TRHDE: variants seen among roughly 807,000 people sequenced by gnomAD.
TRHDE encodes the protein thyrotropin releasing hormone degrading enzyme.
A neutral mutation model predicts 125.7 loss-of-function variants in TRHDE; 72 were observed. That is an observed-to-expected ratio of 0.57 (90% CI 0.47 to 0.70). The LOEUF (loss-of-function observed/expected upper bound fraction) is 0.70. TRHDE is among the 30% of genes least tolerant of loss of function. TRHDE has a pLI of 0.00. For missense variants in TRHDE, 1,110 were observed against 1,327.1 expected (o/e 0.84, Z 2.54); for synonymous variants, 509 against 509.1 (o/e 1.00, Z 0.00).
intron 2 of TRHDE, among the ~76,000 whole-genome samples, chr12:72,367,777 A>T (rs948765774): frequency 6.6e-6 from 1 of 152,218 alleles, no homozygotes; most frequent in East Asian, 1.9e-4. Context: ...AAAGAGGGGG[A>T]CTAGTTTTTC....
intron 17 of TRHDE, among the ~76,000 whole-genome samples, chr12:72,654,826 C>T (rs1192459426): frequency 6.6e-6 from 1 of 152,060 alleles, no homozygotes; most frequent in African/African-American, 2.4e-5. Context: ...CATCTCTTCC[C>T]AGTACTCTTA....
chr12:72,201,064 A>G (rs781296833), intron 2 of TRHDE, among the ~76,000 whole-genome samples: 5 of 152,176 alleles, frequency 3.3e-5, no homozygotes, highest in Non-Finnish European at 5.9e-5. Flanking sequence ...TAACTGTGTT[A>G]GTTTAGTTAG....
intron 15 of TRHDE, among the ~76,000 whole-genome samples, chr12:72,621,975 A>C (rs902302553): frequency 6.6e-6 from 1 of 152,142 alleles, no homozygotes; most frequent in Non-Finnish European, 1.5e-5. Context: ...TTATTAATTT[A>C]GGTCTTTATT....
intron 12 of TRHDE, among the ~76,000 whole-genome samples, chr12:72,584,305 T>TATC (rs1165512808): frequency 6.6e-6 from 1 of 152,204 alleles, no homozygotes. Flanking sequence ...TTTATGTATT[T>TATC]ATCATATACA....
intron 2 of TRHDE, among the ~76,000 whole-genome samples, chr12:72,127,698 G>C (rs1347969318): frequency 6.6e-6 from 1 of 151,958 alleles, no homozygotes; most frequent in Admixed American, 6.6e-5. Flanking sequence ...GGGGGCAAGG[G>C]GTTGAAAAAC....
chr12:72,267,607 T>C (rs566026659), upstream of TRHDE, among the ~76,000 whole-genome samples: 4 of 151,768 alleles, frequency 2.6e-5, no homozygotes, highest in Admixed American at 1.3e-4. Flanking sequence ...TATCACACCA[T>C]TGCACTCCAG....
intron 5 of TRHDE, among the ~76,000 whole-genome samples, chr12:72,485,489 G>A (rs1419495136): frequency 6.6e-6 from 1 of 152,090 alleles, no homozygotes; most frequent in Non-Finnish European, 1.5e-5. Context: ...AGCCCCTGGG[G>A]ACCTCAGGCC....
intron 12 of TRHDE, among the ~76,000 whole-genome samples, chr12:72,614,550 T>G (rs1872748215): frequency 6.6e-6 from 1 of 152,018 alleles, no homozygotes; most frequent in African/African-American, 2.4e-5. Context: ...GCAAGTGCTT[T>G]AAAAATCTGT....
At chr12:72,480,090 C>T (rs1231636968) in intron 5 of TRHDE, among the ~76,000 whole-genome samples, 1 of 151,308 alleles carries the variant, frequency 6.6e-6, no homozygotes, top group Non-Finnish European at 1.5e-5. Flanking sequence ...GGTTCCAAGT[C>T]TTTGCTATTG....
chr12:72,536,469 C>T (rs1476609572), intron 6 of TRHDE, among the ~76,000 whole-genome samples: 1 of 152,102 alleles, frequency 6.6e-6, no homozygotes, highest in Admixed American at 6.6e-5. Flanking sequence ...TGCAAAAACA[C>T]ATTCATCCAC....
chr12:72,447,820 G>T (rs1875373772), intron 3 of TRHDE, among the ~76,000 whole-genome samples: 2 of 151,982 alleles, frequency 1.3e-5, no homozygotes, highest in South Asian at 4.1e-4. Flanking sequence ...TTTCTAAAAG[G>T]TTCTCAATTT....
At chr12:72,606,986 A>C (rs973584903) in intron 12 of TRHDE, among the ~76,000 whole-genome samples, 11 of 152,168 alleles carry the variant, frequency 7.2e-5, no homozygotes, top group African/African-American at 2.7e-4. Context: ...TCAAATTTCC[A>C]ATGGTTTCAT....
intron 15 of TRHDE, 139 bp downstream of exon 15, chr12:72,621,890 C>A: frequency 1.6e-6 from 1 of 628,982 alleles, no homozygotes; most frequent in Non-Finnish European, 2.7e-6. Flanking sequence ...GTGTCAGGTT[C>A]ACAGCTTCCA....
At chr12:72,650,937 C>G (rs1049283445) in intron 15 of TRHDE, among the ~76,000 whole-genome samples, 13 of 152,096 alleles carry the variant, frequency 8.5e-5, no homozygotes, top group African/African-American at 2.9e-4. Flanking sequence ...GTCATAAACA[C>G]AGCAGAGAGA....
intron 12 of TRHDE, 93 bp from the exon 13 acceptor site, chr12:72,618,798 C>A: frequency 2.0e-6 from 2 of 1,018,474 alleles, no homozygotes; most frequent in Non-Finnish European, 2.8e-6. Context: ...TTTCTTTATA[C>A]TATGATGAAT....
intron 2 of TRHDE, among the ~76,000 whole-genome samples, chr12:72,211,312 GACTT>G (rs1388792693): frequency 1.3e-5 from 2 of 152,128 alleles, no homozygotes; most frequent in Non-Finnish European, 2.9e-5. Flanking sequence ...TGGTTGAAGG[GACTT>G]ACTTTGTATG....
chr12:72,636,895 A>T (rs1873779050), intron 15 of TRHDE, among the ~76,000 whole-genome samples: 1 of 151,900 alleles, frequency 6.6e-6, no homozygotes, highest in Non-Finnish European at 1.5e-5. Flanking sequence ...GTGCTGCTGG[A>T]TTCGTTTTGC....
chr12:72,617,587 G>T (rs10879467), intron 12 of TRHDE, among the ~76,000 whole-genome samples: 1 of 151,996 alleles, frequency 6.6e-6, no homozygotes, highest in Non-Finnish European at 1.5e-5. Context: ...TGTAGCTTTC[G>T]TGGTTCCCTC....
At chr12:72,523,661 T>C (rs1868285154) in intron 6 of TRHDE, among the ~76,000 whole-genome samples, 1 of 152,188 alleles carries the variant, frequency 6.6e-6, no homozygotes, top group African/African-American at 2.4e-5. Flanking sequence ...TGATTTAGCT[T>C]AATGGCATTA....
Sources: gnomAD v4.1 joint callset for allele counts (sites outside exome capture counted in the v4.1 genomes callset) on GRCh38, gnomAD v4.1.1 for gene constraint, MANE v1.5 for transcripts, NCBI Gene and HGNC (gene_info 2026-07-23, HGNC 2026-07-21) for gene names.